The following MSH6 variants were observed in gnomAD, a reference collection of about 807,000 sequenced individuals.
The protein encoded by MSH6 is mutS homolog 6.
A neutral mutation model predicts 119.1 loss-of-function variants in MSH6; 85 were observed. The ratio of observed to expected loss-of-function variants is 0.71; its 90% CI spans 0.60 to 0.85. MSH6 has a LOEUF of 0.85. Ranked by LOEUF, MSH6 falls within the 40% of genes least tolerant of loss-of-function variation. MSH6 has a pLI of 0.00. For missense variants in MSH6, 2,163 were observed against 1,655.3 expected (o/e 1.31, Z -5.32); for synonymous variants, 830 against 586.9 (o/e 1.41, Z -5.99).
At position 47,800,660 on chromosome 2, in the gene MSH6, C is replaced by T. The variant is rs370754319; in HGVS notation, c.2677C>T (p.Leu893=). The T allele has an allele frequency of 6.2e-7, 1 of 1,614,160 alleles. No homozygotes were observed. Among genetic ancestry groups the T allele is most frequent in the South Asian group, 1.1e-5 (1 of 91,060 alleles). The change falls in exon 4 of 10, where the codon CTG becomes TTG. Residue 893 remains leucine (L), a synonymous_variant. Coordinates refer to ENST00000234420, the MANE Select transcript of MSH6 (RefSeq NM_000179.3). ...TAAAATCCTTAAGCAGGTCATCTCT[C>T]TGCAGACAAAAAATCCTGAAGGTCG... ...KSKILKQVIS[L]QTKNPEGRFP... is the part of the protein sequence containing the mutation.
chr2:47,792,455 C>G (rs933263238), intron 2 of MSH6, among the ~76,000 whole-genome samples: 1 of 152,184 alleles, frequency 6.6e-6, no homozygotes, highest in Non-Finnish European at 1.5e-5. Flanking sequence ...AAGTTTTGTT[C>G]TCTCTTCTAC....
rs1057517629 is a variant in MSH6 at position 47,803,408 on chromosome 2, C to T, written c.3173-12C>T. On this transcript the variant is annotated splice_polypyrimidine_tract_variant and intron_variant, in intron 4 of 9. Coordinates refer to ENST00000234420, the MANE Select transcript of MSH6 (RefSeq NM_000179.3). ...AACGATGAAGCCTCACTTTTACCCT[C>T]TCTTTTAACAGATGTTTTACTGTGC... is the stretch of plus-strand genomic sequence containing the variant. 8 of 1,614,044 alleles carry T rather than the reference C, an allele frequency of 5.0e-6. No individual in the cohort carries two copies. The highest frequency in any genetic ancestry group is 5.9e-6 in the Non-Finnish European group (7 of 1,180,028).
At chr2:47,784,331 T>C in intron 1 of MSH6, 7 of 840,338 alleles carry the variant, frequency 8.3e-6, no homozygotes, top group Non-Finnish European at 1.0e-5. Context: ...TTTTATGAAA[T>C]AGTGTAATTT....
At chr2:47,805,867 G>A (rs780652319) in intron 7 of MSH6, among the ~76,000 whole-genome samples, 160 bp downstream of exon 7, 13 of 145,554 alleles carry the variant, frequency 8.9e-5, no homozygotes, top group Non-Finnish European at 1.8e-4. Flanking sequence ...GGAGATAAAA[G>A]GTGATATTGT....
intron 1 of MSH6, among the ~76,000 whole-genome samples, chr2:47,786,386 G>A (rs1012991560): frequency 1.3e-5 from 2 of 151,518 alleles, no homozygotes; most frequent in African/African-American, 2.4e-5. Context: ...CCAAGCTGGA[G>A]TGCAGTGGTG....
At chr2:47,785,654 T>C (rs1048999423) in intron 1 of MSH6, among the ~76,000 whole-genome samples, 3 of 152,216 alleles carry the variant, frequency 2.0e-5, no homozygotes, top group Admixed American at 6.5e-5. Context: ...GCAGTTTAAA[T>C]ATATATAGTT....
rs35781475 is a variant in MSH6 at position 47,805,183 on chromosome 2, CTT to C, written c.3556+169_3556+170del. ...TTTAAGAACTGCATAGTCTCTCTCTCTTTTTTTTTTTTTTGAGATGGAGTTTC... is the reference window on the plus strand; with the variant it reads ...TTTAAGAACTGCATAGTCTCTCTCTCTTTTTTTTTTTTGAGATGGAGTTTC... On this transcript the variant is annotated intron_variant, in intron 6 of 9. Transcript: ENST00000234420. 2.5e-3 allele frequency among the ~76,000 whole-genome samples: 357 copies of C among 141,110 alleles called. 2 individuals carry two copies. The highest frequency in any genetic ancestry group is 7.7e-3 in the African/African-American group (293 of 37,990). The allele number at this position is 141,110 out of a possible 152,430, so 92.6% of individuals were successfully genotyped here.
chr2:47,794,225 C>T (rs1028170080), intron 2 of MSH6, among the ~76,000 whole-genome samples: 4 of 151,964 alleles, frequency 2.6e-5, no homozygotes, highest in African/African-American at 9.6e-5. Context: ...CCTGTAATCT[C>T]AGCTACTCAG....
In MSH6 at chr2:47,806,862, C is replaced by CTGACTACATTGGAAGCTT; in HGVS notation, c.*6_*23dup. 6.2e-7 allele frequency: 1 copy of CTGACTACATTGGAAGCTT among 1,604,102 alleles called. No individual in the cohort carries two copies. Among genetic ancestry groups the CTGACTACATTGGAAGCTT allele is most frequent in the Non-Finnish European group, 8.5e-7 (1 of 1,172,436 alleles). On this transcript the variant is annotated 3_prime_UTR_variant, in exon 10 of 10. Coordinates refer to ENST00000234420, the MANE Select transcript of MSH6 (RefSeq NM_000179.3). The stretch of plus-strand genomic sequence containing the variant: ...CTGACTTTGATTAAGGAATTATAGA[C>CTGACTACATTGGAAGCTT]TGACTACATTGGAAGCTTTGAGTTG...
intron 2 of MSH6, among the ~76,000 whole-genome samples, chr2:47,793,012 G>A (rs1188328866): frequency 6.6e-6 from 1 of 151,748 alleles, no homozygotes; most frequent in Non-Finnish European, 1.5e-5. Context: ...CTTATATTTA[G>A]AATGAATCTC....
At chr2:47,794,895 A>G (rs537989750) in intron 2 of MSH6, among the ~76,000 whole-genome samples, 9 of 152,058 alleles carry the variant, frequency 5.9e-5, no homozygotes, top group Non-Finnish European at 1.3e-4. Context: ...CCCGGGTTCA[A>G]GTGATTCTCC....
chr2:47,801,268 C>G (rs535635325), intron 4 of MSH6, 113 bp downstream of exon 4: 4 of 1,123,864 alleles, frequency 3.6e-6, no homozygotes, highest in Non-Finnish European at 5.1e-6. Flanking sequence ...TTTTGACATG[C>G]ATATACATAT....
At position 47,798,904 on chromosome 2, in the gene MSH6, T is replaced by C. The variant is rs876659492; in HGVS notation, c.921T>C (p.Asn307=). 1 of 1,614,158 alleles carries C rather than the reference T, an allele frequency of 6.2e-7. No homozygotes were observed. Among genetic ancestry groups the C allele is most frequent in the Non-Finnish European group, 8.5e-7 (1 of 1,180,036 alleles). The change falls in exon 4 of 10, where the codon AAT becomes AAC. Residue 307 remains asparagine, a synonymous_variant. Coordinates refer to ENST00000234420, the MANE Select transcript of MSH6 (RefSeq NM_000179.3). ...AGCGGAAGAGAATGGTGACTGGAAA[T>C]GGCTCTCTTAAAAGGAAAAGCTCTA... ...ARKRKRMVTG[N]GSLKRKSSRK... is the part of the protein sequence containing the mutation.
rs1315445200 is a variant in MSH6 at position 47,803,451 on chromosome 2, A to AG, written c.3209dup (p.Asp1071Ter). On this transcript the variant is annotated frameshift_variant, in exon 5 of 10. Transcript: ENST00000234420. LOFTEE classifies it high-confidence loss of function. Reference sequence around the variant, plus strand: ...TACTGTGCCTGGCTAACTATAGTCGAGGGGGTGATGGTCCTATGTGTCGCC... The same window carrying AG: ...TACTGTGCCTGGCTAACTATAGTCGAGGGGGGTGATGGTCCTATGTGTCGCC... 6.2e-7 allele frequency: 1 copy of AG among 1,614,120 alleles called. No individual in the cohort carries two copies. The highest frequency in any genetic ancestry group is 8.5e-7 in the Non-Finnish European group (1 of 1,180,026).
chr2:47,808,963 C>T, downstream of MSH6: 1 of 448,982 alleles, frequency 2.2e-6, no homozygotes, highest in Non-Finnish European at 3.9e-6. Flanking sequence ...TCCCAAAGTG[C>T]TAGGATTACA....
chr2:47,809,396 A>T (rs999200490), downstream of MSH6: 1 of 687,758 alleles, frequency 1.5e-6, no homozygotes, highest in East Asian at 2.8e-5. Flanking sequence ...CCAATGAAGT[A>T]ATTGTAAGAA....
intron 1 of MSH6, among the ~76,000 whole-genome samples, chr2:47,789,802 G>C (rs774481711): frequency 6.6e-6 from 1 of 151,916 alleles, no homozygotes; most frequent in Non-Finnish European, 1.5e-5. Flanking sequence ...TAGTTGTTCA[G>C]CTGTATTTTA....
chr2:47,792,152 C>T (rs183993910), intron 2 of MSH6, among the ~76,000 whole-genome samples: 13 of 152,262 alleles, frequency 8.5e-5, no homozygotes, highest in Admixed American at 7.8e-4. Flanking sequence ...AGCCGCCCAG[C>T]TAATTTTTGT....
chr2:47,806,923 T>A lies in MSH6; in HGVS notation c.*63T>A. 1 of 1,207,198 alleles carries A rather than the reference T, an allele frequency of 8.3e-7. No individual in the cohort carries two copies. The highest frequency in any genetic ancestry group is 1.2e-6 in the Non-Finnish European group (1 of 816,340). 74.8% of individuals were successfully genotyped at this position (1,207,198 alleles called of 1,614,324 possible). A position where few individuals can be genotyped will look rare whatever the true frequency, so the allele number is the denominator to read the frequency against. ...AAGGTGGTAAATTCAGACAACATTA[T>A]GATCTAATAAACTTTATTTTTTAAA... On this transcript the variant is annotated 3_prime_UTR_variant, in exon 10 of 10. Coordinates refer to ENST00000234420, the MANE Select transcript of MSH6 (RefSeq NM_000179.3).
Sources: allele counts gnomAD v4.1 joint callset (sites outside exome capture counted in the v4.1 genomes callset), GRCh38; gene constraint gnomAD v4.1.1; transcripts MANE v1.5; gene names NCBI Gene and HGNC (gene_info 2026-07-23, HGNC 2026-07-21).